Variants in BNC2 observed in about 807,000 individuals in gnomAD.
BNC2 encodes the protein basonuclin zinc finger protein 2, also known as zinc finger protein basonuclin-2.
BNC2 carries 20 observed loss-of-function variants against 76.3 expected under a neutral mutation model. The ratio of observed to expected loss-of-function variants is 0.26; its 90% CI spans 0.18 to 0.38. The LOEUF (loss-of-function observed/expected upper bound fraction) is 0.38, where lower values mean the gene tolerates loss of function less well. BNC2 is among the 10% of genes least tolerant of loss of function. The pLI is 1.00. For synonymous variants in BNC2, 582 were observed against 514.8 expected (o/e 1.13, Z -1.77); for missense variants, 1,382 against 1,399.8 (o/e 0.99, Z 0.20).
chr9:16,567,848 T>A (rs1222767849), intron 4 of BNC2, among the ~76,000 whole-genome samples: 1 of 152,184 alleles, frequency 6.6e-6, no homozygotes, highest in Admixed American at 6.6e-5. Flanking sequence ...AGCCATTCAA[T>A]AAGATAAGAA....
intron 4 of BNC2, among the ~76,000 whole-genome samples, chr9:16,572,024 T>C (rs924835052): frequency 3.9e-5 from 6 of 152,138 alleles, no homozygotes; most frequent in African/African-American, 1.4e-4. Flanking sequence ...TAGAGGTTGA[T>C]TTGTTTTTTA....
At chr9:16,531,786 C>G (rs1817982627) in intron 5 of BNC2, among the ~76,000 whole-genome samples, 1 of 152,068 alleles carries the variant, frequency 6.6e-6, no homozygotes, top group Non-Finnish European at 1.5e-5. Context: ...ATGAATTTAT[C>G]TAGAGATCTC....
chr9:16,501,404 T>A (rs7041549), intron 5 of BNC2, among the ~76,000 whole-genome samples: 1 of 152,004 alleles, frequency 6.6e-6, no homozygotes, highest in Non-Finnish European at 1.5e-5. Context: ...GCTTTTTATA[T>A]AACCTTCTCA....
chr9:16,857,626 A>T (rs1363800993), intron 1 of BNC2, among the ~76,000 whole-genome samples: 1 of 152,166 alleles, frequency 6.6e-6, no homozygotes, highest in African/African-American at 2.4e-5. Context: ...ATGTACGTAA[A>T]CACTTATGAT....
rs1014931517 is a variant in BNC2 at position 16,498,970 on chromosome 9, C to A, written c.669+53560G>T. Among the ~76,000 whole-genome samples the A allele has an allele frequency of 2.0e-5, 3 of 152,274 alleles. No individual in the cohort carries two copies. In the East Asian group the frequency reaches 5.8e-4, roughly 29 times the overall value. On this transcript the variant is annotated intron_variant, in intron 5 of 6. Transcript: ENST00000380672. ...CAACAGAAACTCTACAAATACTAGA[C>A]AGATTGAACATATTTAATAACCGTT...
chr9:16,651,830 C>T (rs564413776), intron 3 of BNC2, among the ~76,000 whole-genome samples: 1 of 152,194 alleles, frequency 6.6e-6, no homozygotes, highest in African/African-American at 2.4e-5. Flanking sequence ...AATATAATTT[C>T]AGTAGTAAAT....
At chr9:16,551,051 C>T (rs1818647373) in intron 5 of BNC2, among the ~76,000 whole-genome samples, 1 of 152,166 alleles carries the variant, frequency 6.6e-6, no homozygotes, top group South Asian at 2.1e-4. Flanking sequence ...TGCCCCCTGA[C>T]CGTCCAAGAC....
rs182724338 is a variant in BNC2 at position 16,770,537 on chromosome 9, G to A, written c.4-32052C>T. ...TGGAGCAACTACTTCCAAATCAGGA[G>A]TTTACCCACAATGACCATGGTAACC... is the stretch of plus-strand genomic sequence containing the variant. On this transcript the variant is annotated intron_variant, in intron 1 of 6. Transcript: ENST00000380672. Among the ~76,000 whole-genome samples the A allele has an allele frequency of 3.3e-5, 5 of 152,170 alleles. No homozygotes were observed. In the East Asian group the frequency reaches 9.7e-4, roughly 29 times the overall value.
intron 3 of BNC2, among the ~76,000 whole-genome samples, chr9:16,630,365 G>C (rs546949829): frequency 6.6e-6 from 1 of 152,284 alleles, no homozygotes; most frequent in South Asian, 2.1e-4. Context: ...ATTAAATTAT[G>C]ATAAAAGCAT....
chr9:16,862,436 A>G (rs191724301), intron 1 of BNC2, among the ~76,000 whole-genome samples: 1 of 152,342 alleles, frequency 6.6e-6, no homozygotes, highest in Admixed American at 6.5e-5. Flanking sequence ...AGAAATTACC[A>G]AACTCACTTG....
At position 16,601,206 on chromosome 9, in the gene BNC2, C is replaced by G. The variant is rs180808294; in HGVS notation, c.331-18121G>C. On this transcript the variant is annotated intron_variant, in intron 3 of 6. Transcript: ENST00000380672. ...TGTCAGAATCATCTGTGGTGCTTTA[C>G]ATAAGTACAGATATCCAGGACCACA... Among the ~76,000 whole-genome samples the G allele has an allele frequency of 1.1e-3, 168 of 152,262 alleles. 2 individuals are homozygous for G. Among genetic ancestry groups the G allele is most frequent in the African/African-American group, 3.8e-3 (159 of 41,554 alleles).
At chr9:16,865,222 TA>T (rs1184278467) in intron 1 of BNC2, among the ~76,000 whole-genome samples, 2 of 152,042 alleles carry the variant, frequency 1.3e-5, no homozygotes, top group East Asian at 1.9e-4. Flanking sequence ...TGACAACTAT[TA>T]AATACTGTAT....
At chr9:16,723,795 G>GC (rs2134915187) in intron 3 of BNC2, among the ~76,000 whole-genome samples, 1 of 152,092 alleles carries the variant, frequency 6.6e-6, no homozygotes, top group South Asian at 2.1e-4. Flanking sequence ...TTCTTGGTTT[G>GC]CCCCTCACCT....
At chr9:16,840,065 G>T (rs1818791566) in intron 1 of BNC2, among the ~76,000 whole-genome samples, 1 of 152,074 alleles carries the variant, frequency 6.6e-6, no homozygotes, top group South Asian at 2.1e-4. Context: ...CATCTTTACT[G>T]TTTTACATCT....
intron 3 of BNC2, among the ~76,000 whole-genome samples, chr9:16,629,558 G>C (rs887151306): frequency 6.6e-6 from 1 of 152,130 alleles, no homozygotes; most frequent in African/African-American, 2.4e-5. Context: ...AGCAGAACTG[G>C]GAGCACCAAC....
chr9:16,498,011 G>GTC (rs1822429026), intron 5 of BNC2, among the ~76,000 whole-genome samples: 1 of 138,040 alleles, frequency 7.2e-6, no homozygotes, highest in Admixed American at 6.9e-5. Context: ...GTGTGTGTGT[G>GTC]TGTGTGTATG....
intron 5 of BNC2, among the ~76,000 whole-genome samples, chr9:16,467,908 G>T (rs72717020): frequency 0.011 from 1,614 of 151,792 alleles, 82 homozygotes; most frequent in Admixed American, 0.088. Context: ...GCCTGACCAG[G>T]TTCTTATGCT....
At chr9:16,745,067 G>T (rs761274508) in intron 1 of BNC2, among the ~76,000 whole-genome samples, 2 of 152,162 alleles carry the variant, frequency 1.3e-5, no homozygotes, top group African/African-American at 2.4e-5. Context: ...CTAATTGTGT[G>T]ATCTTGGCAA....
intron 2 of BNC2, among the ~76,000 whole-genome samples, chr9:16,728,609 T>C (rs1300339716): frequency 6.6e-6 from 1 of 151,876 alleles, no homozygotes; most frequent in Non-Finnish European, 1.5e-5. Flanking sequence ...GGCTCAGTTA[T>C]GGTCTAAATG....
Sources: allele counts gnomAD v4.1 joint callset (sites outside exome capture counted in the v4.1 genomes callset), GRCh38; gene constraint gnomAD v4.1.1; transcripts MANE v1.5; gene names NCBI Gene and HGNC (gene_info 2026-07-23, HGNC 2026-07-21).